MAGI1: variants seen among roughly 807,000 people sequenced by gnomAD.
The protein encoded by MAGI1 is membrane associated guanylate kinase, WW and PDZ domain containing 1, also known as membrane-associated guanylate kinase, WW and PDZ domain-containing protein 1.
In MAGI1, 58 loss-of-function variants were observed where a neutral mutation model predicts 139.9. That is an observed-to-expected ratio of 0.41 (90% CI 0.34 to 0.52). The LOEUF (loss-of-function observed/expected upper bound fraction) is 0.52. Ranked by LOEUF, MAGI1 falls within the 20% of genes least tolerant of loss-of-function variation. The pLI is 0.12. For synonymous variants in MAGI1, 812 were observed against 737.9 expected (o/e 1.10, Z -1.63); for missense variants, 1,874 against 1,901.6 (o/e 0.99, Z 0.27).
chr3:65,757,664 A>T (rs1191255649), intron 1 of MAGI1, among the ~76,000 whole-genome samples: 1 of 152,190 alleles, frequency 6.6e-6, no homozygotes, highest in Non-Finnish European at 1.5e-5. Context: ...CTATAAATAG[A>T]ACCATACCCT....
intron 1 of MAGI1, among the ~76,000 whole-genome samples, chr3:65,807,702 A>G (rs1249332538): frequency 6.6e-6 from 1 of 152,214 alleles, no homozygotes; most frequent in Non-Finnish European, 1.5e-5. Flanking sequence ...AAGATACAAC[A>G]GATAATGTCT....
rs1044760934 is a variant in MAGI1 at position 65,920,898 on chromosome 3, G to A, written c.313+117098C>T. ...ACAAAAAGTAGCTGGGCCAGGTGGC[G>A]GGCACCTGTAATCCCAGCTACTCAG... On this transcript the variant is annotated intron_variant, in intron 1 of 22. Coordinates refer to ENST00000402939, the MANE Select transcript of MAGI1 (RefSeq NM_001033057.2). 5.3e-5 allele frequency among the ~76,000 whole-genome samples: 8 copies of A among 151,950 alleles called. No homozygotes were observed. The East Asian group carries it at 7.7e-4, about 15-fold the overall frequency.
chr3:65,970,422 C>T (rs1030597066), intron 1 of MAGI1, among the ~76,000 whole-genome samples: 9 of 151,032 alleles, frequency 6.0e-5, no homozygotes, highest in East Asian at 5.8e-4. Context: ...ATGGTGGTGA[C>T]GACTGCACAA....
intron 1 of MAGI1, among the ~76,000 whole-genome samples, chr3:65,851,995 A>G (rs1382267805): frequency 1.3e-5 from 2 of 152,202 alleles, no homozygotes; most frequent in African/African-American, 4.8e-5. Flanking sequence ...CAAAAGTTGA[A>G]TCATATGGGG....
At chr3:65,690,140 G>A (rs922197546) in intron 1 of MAGI1, among the ~76,000 whole-genome samples, 1 of 152,136 alleles carries the variant, frequency 6.6e-6, no homozygotes, top group African/African-American at 2.4e-5. Flanking sequence ...CAGGGACTTT[G>A]TTGGAAGGAT....
intron 1 of MAGI1, among the ~76,000 whole-genome samples, chr3:65,786,251 CTTTTTT>C (rs3077812): frequency 3.5e-5 from 4 of 114,830 alleles, no homozygotes; most frequent in African/African-American, 6.7e-5. Flanking sequence ...CCAATCATAA[CTTTTTT>C]TTTTTTTTTT....
intron 1 of MAGI1, among the ~76,000 whole-genome samples, chr3:65,628,497 C>T (rs983988215): frequency 6.6e-6 from 1 of 151,972 alleles, no homozygotes; most frequent in African/African-American, 2.4e-5. Context: ...TGAAAAGCTG[C>T]CCACCGGAGA....
chr3:65,701,090 C>T (rs1294751440), intron 1 of MAGI1, among the ~76,000 whole-genome samples: 4 of 152,136 alleles, frequency 2.6e-5, no homozygotes, highest in Non-Finnish European at 5.9e-5. Flanking sequence ...AACAGGTTTA[C>T]CAATATTAAT....
At chr3:65,618,005 T>G (rs9879511) in intron 2 of MAGI1, among the ~76,000 whole-genome samples, 1 of 151,032 alleles carries the variant, frequency 6.6e-6, no homozygotes, top group African/African-American at 2.4e-5. Context: ...GCTTGGGGAG[T>G]AGGGGGAGAG....
intron 2 of MAGI1, among the ~76,000 whole-genome samples, chr3:65,560,573 T>G (rs1355265119): frequency 6.6e-6 from 1 of 152,202 alleles, no homozygotes; most frequent in Non-Finnish European, 1.5e-5. Flanking sequence ...CATCTGCAAT[T>G]AATTTAATGA....
chr3:65,572,183 C>T (rs1234359859), intron 2 of MAGI1, among the ~76,000 whole-genome samples: 1 of 152,082 alleles, frequency 6.6e-6, no homozygotes. Context: ...ATCCTCAATA[C>T]TTTAAGAATA....
Position 65,356,835 on chromosome 3 carries a change from C to G in MAGI1, c.3932G>C (p.Arg1311Pro). 6.2e-7 allele frequency: 1 copy of G among 1,612,636 alleles called. No homozygotes were observed. The highest frequency in any genetic ancestry group is 2.2e-5 in the East Asian group (1 of 44,814). ...CTTGGGGCCGTTGGCGGCTGCCGCGCGCTCGGCCTGCGCGTCCCTCCGTCC... is the reference window on the plus strand; with the variant it reads ...CTTGGGGCCGTTGGCGGCTGCCGCGGGCTCGGCCTGCGCGTCCCTCCGTCC... ...PEGRRDAQAE[R>P]AAAANGPKRR... is the part of the protein sequence containing the mutation. The change falls in exon 23 of 23, where the codon CGC becomes CCC. Residue 1311 changes from arginine (R) to proline (P), a missense_variant. This residue lies in a region of MAGI1 where 653 missense variants were observed against 644.5 expected (regional missense o/e 1.01). Transcript: ENST00000402939.
rs367992910 is a variant in MAGI1 at position 65,907,890 on chromosome 3, T to C, written c.313+130106A>G. 2.6e-5 allele frequency among the ~76,000 whole-genome samples: 4 copies of C among 152,176 alleles called. No homozygotes were observed. The East Asian group carries it at 7.7e-4, about 29-fold the overall frequency. ...CATTTGCCTGACTTGGCCTCATACT[T>C]GCGTCTCAACTTAAAATGTCCCCTG... On this transcript the variant is annotated intron_variant, in intron 1 of 22. Transcript: ENST00000402939.
At chr3:65,584,024 A>AT (rs1201763023) in intron 2 of MAGI1, among the ~76,000 whole-genome samples, 1 of 148,706 alleles carries the variant, frequency 6.7e-6, no homozygotes, top group Non-Finnish European at 1.5e-5. Context: ...ATCACAGCAC[A>AT]TCCAGACTCT....
At chr3:65,456,346 T>C (rs971658261) in intron 5 of MAGI1, among the ~76,000 whole-genome samples, 8 of 152,138 alleles carry the variant, frequency 5.3e-5, no homozygotes, top group African/African-American at 1.9e-4. Flanking sequence ...TCTGTCCCTC[T>C]CTTTAGTTCA....
chr3:65,536,316 A>G (rs1429403842), intron 2 of MAGI1, among the ~76,000 whole-genome samples: 4 of 152,172 alleles, frequency 2.6e-5, no homozygotes, highest in Non-Finnish European at 5.9e-5. Flanking sequence ...CCATATCGGA[A>G]GGTCTCAGGA....
At chr3:65,419,229 C>CACACACACACACACACACACACACAT (rs1161672999) in intron 12 of MAGI1, among the ~76,000 whole-genome samples, 108 of 144,830 alleles carry the variant, frequency 7.5e-4, no homozygotes, top group Middle Eastern at 7.1e-3. Flanking sequence ...CATACACACA[C>CACACACACACACACACACACACACAT]ACACACACAC....
At chr3:65,591,401 T>C (rs557005849) in intron 2 of MAGI1, among the ~76,000 whole-genome samples, 2 of 152,180 alleles carry the variant, frequency 1.3e-5, no homozygotes, top group Admixed American at 6.5e-5. Context: ...TCTCAAAATA[T>C]ATATAACCAC....
chr3:65,667,301 A>T, intron 1 of MAGI1, among the ~76,000 whole-genome samples: 1 of 152,140 alleles, frequency 6.6e-6, no homozygotes, highest in East Asian at 1.9e-4. Flanking sequence ...TTTCAAAATG[A>T]TTTAAATAGC....
Sources: allele counts gnomAD v4.1 joint callset (sites outside exome capture counted in the v4.1 genomes callset), GRCh38; gene constraint gnomAD v4.1.1; regional missense constraint gnomAD v4.1.1; transcripts MANE v1.5; gene names NCBI Gene and HGNC (gene_info 2026-07-23, HGNC 2026-07-21).